Variants in EBF1 observed in about 807,000 individuals in gnomAD.
The protein encoded by EBF1 is EBF transcription factor 1, also known as transcription factor COE1.
A neutral mutation model predicts 68.4 loss-of-function variants in EBF1; 10 were observed. The ratio of observed to expected loss-of-function variants is 0.15; its 90% CI spans 0.09 to 0.25. The LOEUF (loss-of-function observed/expected upper bound fraction) is 0.25. EBF1 is among the 10% of genes least tolerant of loss of function. The pLI is 1.00. For synonymous variants in EBF1, 298 were observed against 299.8 expected, an observed-to-expected ratio of 0.99 and a Z score of 0.06; for missense variants, 509 against 794.4, an observed-to-expected ratio of 0.64 and a Z score of 4.32.
chr5:158,819,189 T>G (rs569902782), intron 8 of EBF1, among the ~76,000 whole-genome samples: 1 of 152,334 alleles, frequency 6.6e-6, no homozygotes, highest in African/African-American at 2.4e-5. Context: ...AAACTGCTTG[T>G]CAGATGGTTT....
At chr5:158,856,464 GGT>G (rs1794028539) in intron 6 of EBF1, among the ~76,000 whole-genome samples, 1 of 152,138 alleles carries the variant, frequency 6.6e-6, no homozygotes, top group African/African-American at 2.4e-5. Context: ...ACACTCTAGT[GGT>G]GTGGTGATTC....
intron 5 of EBF1, 26 bp downstream of exon 5, chr5:159,084,640 A>C (rs763381594): frequency 6.6e-7 from 1 of 1,525,024 alleles, no homozygotes; most frequent in South Asian, 1.3e-5. Flanking sequence ...TTGCTAATTA[A>C]CGGGAGAGAC....
intron 15 of EBF1, among the ~76,000 whole-genome samples, 178 bp downstream of exon 15, chr5:158,707,794 TGGCCAAG>T (rs573464569): frequency 6.6e-6 from 1 of 152,246 alleles, no homozygotes; most frequent in Non-Finnish European, 1.5e-5. Flanking sequence ...GAGATGAGTA[TGGCCAAG>T]GGCCAAGGGC....
chr5:158,733,642 A>G (rs187461741), intron 10 of EBF1, among the ~76,000 whole-genome samples: 2 of 152,210 alleles, frequency 1.3e-5, no homozygotes, highest in Admixed American at 6.5e-5. Context: ...TACTCCATGG[A>G]CGTGTACTAT....
intron 6 of EBF1, among the ~76,000 whole-genome samples, chr5:159,024,721 A>C (rs1430533933): frequency 2.0e-5 from 3 of 152,250 alleles, no homozygotes; most frequent in Non-Finnish European, 4.4e-5. Context: ...TTCTTTAAAA[A>C]ATAAATACAT....
At chr5:158,799,140 A>G (rs547952098) in intron 8 of EBF1, among the ~76,000 whole-genome samples, 29 of 152,138 alleles carry the variant, frequency 1.9e-4, no homozygotes, top group Non-Finnish European at 3.5e-4. Context: ...TAGTAACTGG[A>G]GGTCAAACTG....
In EBF1 at chr5:159,075,908, G is replaced by A. The variant is rs903149102; in HGVS notation, c.486-2444C>T. Among the ~76,000 whole-genome samples, 4 of 152,120 alleles carry A rather than the reference G, an allele frequency of 2.6e-5. No homozygotes were observed. The East Asian group carries it at 7.7e-4, about 29-fold the overall frequency. On this transcript the variant is annotated intron_variant, in intron 5 of 15. Transcript: ENST00000313708. The stretch of plus-strand genomic sequence containing the variant: ...AGACCCTGGCCGACTCTTGCCTGGC[G>A]GGCCTCTCCTCCAACCCTTCCCTAG...
intron 6 of EBF1, among the ~76,000 whole-genome samples, chr5:158,913,161 C>T (rs1177605580): frequency 2.0e-5 from 3 of 152,178 alleles, no homozygotes; most frequent in Non-Finnish European, 4.4e-5. Context: ...TTTCCCATAA[C>T]AAAAATAGAG....
chr5:158,857,169 G>A (rs1198059503), intron 6 of EBF1, among the ~76,000 whole-genome samples: 1 of 151,486 alleles, frequency 6.6e-6, no homozygotes, highest in African/African-American at 2.4e-5. Flanking sequence ...CATTCCCTCA[G>A]CACCCCTTCT....
chr5:158,810,985 G>A (rs1782540072), intron 8 of EBF1, among the ~76,000 whole-genome samples: 1 of 152,134 alleles, frequency 6.6e-6, no homozygotes, highest in Admixed American at 6.6e-5. Flanking sequence ...CCATGCTTCA[G>A]ATTTTCTCTT....
At chr5:159,038,405 G>A (rs1295263927) in intron 6 of EBF1, among the ~76,000 whole-genome samples, 1 of 152,068 alleles carries the variant, frequency 6.6e-6, no homozygotes, top group East Asian at 1.9e-4. Context: ...TTCTCCAGTC[G>A]AGATGGACCT....
At chr5:159,054,464 GTC>G (rs902235857) in intron 6 of EBF1, among the ~76,000 whole-genome samples, 1 of 152,080 alleles carries the variant, frequency 6.6e-6, no homozygotes, top group Non-Finnish European at 1.5e-5. Flanking sequence ...CTGTTTCTCA[GTC>G]TCTCTCTCGT....
At chr5:158,740,199 A>G (rs184321212) in intron 10 of EBF1, among the ~76,000 whole-genome samples, 60 of 152,340 alleles carry the variant, frequency 3.9e-4, no homozygotes, top group African/African-American at 1.4e-3. Flanking sequence ...TTACTCTCCT[A>G]GAACAAGCCT....
intron 6 of EBF1, among the ~76,000 whole-genome samples, chr5:158,986,632 A>G (rs1246330809): frequency 1.3e-5 from 2 of 152,238 alleles, no homozygotes; most frequent in Admixed American, 1.3e-4. Context: ...CTGCCGACCA[A>G]GCCAAATGCA....
At chr5:159,064,176 T>A (rs1429237764) in intron 6 of EBF1, among the ~76,000 whole-genome samples, 1 of 152,118 alleles carries the variant, frequency 6.6e-6, no homozygotes, top group Non-Finnish European at 1.5e-5. Context: ...ATATATGTGT[T>A]TATATATATG....
At position 158,949,704 on chromosome 5, in the gene EBF1, G is replaced by C. The variant is rs1337754796; in HGVS notation, c.555-109594C>G. On this transcript the variant is annotated intron_variant, in intron 6 of 15. Coordinates refer to ENST00000313708, the MANE Select transcript of EBF1 (RefSeq NM_024007.5). Reference sequence around the variant, plus strand: ...TATCTGCCTCTTTCAACAAATACAGGCTTTCCCATTGTATCTATTCAATAA... The same window carrying C: ...TATCTGCCTCTTTCAACAAATACAGCCTTTCCCATTGTATCTATTCAATAA... Among the ~76,000 whole-genome samples, 4 of 152,110 alleles carry C rather than the reference G, an allele frequency of 2.6e-5. No individual in the cohort carries two copies. The East Asian group carries it at 7.7e-4, about 29-fold the overall frequency.
chr5:158,857,095 C>T (rs1359539196), intron 6 of EBF1, among the ~76,000 whole-genome samples: 2 of 152,148 alleles, frequency 1.3e-5, no homozygotes, highest in Non-Finnish European at 2.9e-5. Context: ...CTCTCTGCCA[C>T]AGAGATTATG....
intron 6 of EBF1, among the ~76,000 whole-genome samples, chr5:159,038,671 G>A (rs2127767830): frequency 6.6e-6 from 1 of 152,264 alleles, no homozygotes; most frequent in Non-Finnish European, 1.5e-5. Context: ...GTGTAGTGCT[G>A]ATCACCTCAT....
chr5:158,704,233 T>C (rs1379538805), intron 15 of EBF1, among the ~76,000 whole-genome samples: 4 of 152,200 alleles, frequency 2.6e-5, no homozygotes, highest in Admixed American at 6.5e-5. Context: ...GTGTTCACCA[T>C]TATCACCACC....
Sources: allele counts gnomAD v4.1 joint callset (sites outside exome capture counted in the v4.1 genomes callset), GRCh38; gene constraint gnomAD v4.1.1; transcripts MANE v1.5; gene names NCBI Gene and HGNC (gene_info 2026-07-23, HGNC 2026-07-21).